Variants in IL4R observed in about 807,000 individuals in gnomAD.
The protein encoded by IL4R is interleukin-4 receptor subunit alpha.
IL4R carries 17 observed loss-of-function variants against 41.5 expected under a neutral mutation model. The ratio of observed to expected loss-of-function variants is 0.41; its 90% CI spans 0.28 to 0.61. The LOEUF (loss-of-function observed/expected upper bound fraction) is 0.61, where lower values mean the gene tolerates loss of function less well. Ranked by LOEUF, IL4R falls within the 20% of genes least tolerant of loss-of-function variation. The pLI, the probability that IL4R is intolerant of heterozygous loss-of-function variation, is 0.31. For synonymous variants in IL4R, 402 were observed against 422.9 expected, an observed-to-expected ratio of 0.95 and a Z score of 0.61; for missense variants, 974 against 1,043.1, an observed-to-expected ratio of 0.93 and a Z score of 0.91.
intron 9 of IL4R, chr16:27,359,760 A>G (rs2086215647): frequency 4.4e-6 from 2 of 455,620 alleles, no homozygotes; most frequent in Non-Finnish European, 4.4e-6. Flanking sequence ...GAGACAATAC[A>G]TATAAAGTGC....
intron 4 of IL4R, among the ~76,000 whole-genome samples, chr16:27,343,210 C>A (rs3024548): frequency 6.6e-6 from 1 of 151,978 alleles, no homozygotes; most frequent in Middle Eastern, 3.2e-3. Context: ...CAGCATGCAG[C>A]GTTCACCAGT....
At chr16:27,344,627 C>T (rs545750560) in intron 4 of IL4R, among the ~76,000 whole-genome samples, 1 of 152,218 alleles carries the variant, frequency 6.6e-6, no homozygotes, top group Non-Finnish European at 1.5e-5. Context: ...GGGCCGGCAG[C>T]TAGGCAGGTG....
intron 1 of IL4R, among the ~76,000 whole-genome samples, chr16:27,326,535 G>A (rs989977997): frequency 6.6e-6 from 1 of 152,162 alleles, no homozygotes; most frequent in African/African-American, 2.4e-5. Flanking sequence ...GCATGGTGGT[G>A]TGTGCCTGTA....
chr16:27,335,147 A>G (rs1362137556), intron 2 of IL4R, among the ~76,000 whole-genome samples: 1 of 152,116 alleles, frequency 6.6e-6, no homozygotes, highest in East Asian at 1.9e-4. Flanking sequence ...AGGAAAAGAC[A>G]TGCTGTGCTC....
At chr16:27,361,722 A>G (rs535566100) in intron 10 of IL4R, among the ~76,000 whole-genome samples, 3 of 148,910 alleles carry the variant, frequency 2.0e-5, no homozygotes, top group Non-Finnish European at 4.4e-5. Flanking sequence ...CTCTAGCCTC[A>G]GCCTTCTAAG....
intron 1 of IL4R, among the ~76,000 whole-genome samples, chr16:27,324,410 C>T (rs942502600): frequency 1.3e-5 from 2 of 152,164 alleles, no homozygotes; most frequent in African/African-American, 4.8e-5. Context: ...CAGGGGAATT[C>T]ATCCTGTCGT....
intron 1 of IL4R, among the ~76,000 whole-genome samples, chr16:27,316,394 TGAG>T (rs1214803026): frequency 1.3e-5 from 2 of 152,050 alleles, no homozygotes; most frequent in Admixed American, 1.3e-4. Flanking sequence ...CATAAATACA[TGAG>T]AAGAGAGAAC....
intron 1 of IL4R, among the ~76,000 whole-genome samples, chr16:27,321,851 T>C (rs527469416): frequency 7.6e-4 from 116 of 152,272 alleles, no homozygotes; most frequent in Middle Eastern, 3.4e-3. Context: ...TTGAGACAGA[T>C]AGAATTTTTT....
rs769171842 is a variant in IL4R at position 27,355,833 on chromosome 16, C to T, written c.696C>T (p.His232=). The change falls in exon 8 of 11, where the codon CAC becomes CAT. Residue 232 remains histidine (H), a synonymous_variant. Coordinates refer to ENST00000395762, the MANE Select transcript of IL4R (RefSeq NM_000418.4). The stretch of plus-strand genomic sequence containing the variant: ...CCTACAGGGAGCCCTTCGAGCAGCA[C>T]CTCCTGCTGGGCGTCAGCGTTTCCT... The part of the protein sequence containing the change: ...HNSYREPFEQ[H]LLLGVSVSCI... 1 of 1,613,588 alleles carries T rather than the reference C, an allele frequency of 6.2e-7. No individual in the cohort carries two copies. Among genetic ancestry groups the T allele is most frequent in the South Asian group, 1.1e-5 (1 of 91,080 alleles).
chr16:27,337,742 G>A (rs1471521170), intron 2 of IL4R, among the ~76,000 whole-genome samples: 1 of 151,340 alleles, frequency 6.6e-6, no homozygotes, highest in Non-Finnish European at 1.5e-5. Flanking sequence ...ACTACCGCCC[G>A]GCTAATTTTT....
intron 1 of IL4R, among the ~76,000 whole-genome samples, chr16:27,329,832 G>A (rs1007177518): frequency 2.6e-5 from 4 of 152,046 alleles, no homozygotes; most frequent in African/African-American, 9.7e-5. Context: ...TAAACAGGGT[G>A]CTGTGATAAG....
Position 27,363,101 on chromosome 16 carries a change from G to C in IL4R, c.1749G>C (p.Glu583Asp), listed in dbSNP as rs766136530. The C allele has an allele frequency of 6.4e-5, 104 of 1,613,978 alleles. 1 individual carries two copies. The Middle Eastern group carries it at 6.6e-4, about 10-fold the overall frequency. The change falls in exon 11 of 11, where the codon GAG (glutamate) becomes GAC (aspartate). Residue 583 changes from glutamate (E) to aspartate (D), a missense_variant. Glu to Asp is a conservative substitution (Grantham distance 45). Coordinates refer to ENST00000395762, the MANE Select transcript of IL4R (RefSeq NM_000418.4). ...ATCAGGAGTTTGTACATGCGGTGGA[G>C]CAGGGTGGCACCCAGGCCAGTGCGG... The part of the protein sequence containing the change: ...SGYQEFVHAV[E>D]QGGTQASAVV...
intron 6 of IL4R, among the ~76,000 whole-genome samples, chr16:27,347,984 C>T (rs1282203954): frequency 6.6e-6 from 1 of 152,180 alleles, no homozygotes; most frequent in Non-Finnish European, 1.5e-5. Flanking sequence ...CGCTGTCCCA[C>T]ACACTGGTCT....
chr16:27,352,837 CG>C, intron 7 of IL4R, 141 bp downstream of exon 7: 2 of 793,452 alleles, frequency 2.5e-6, no homozygotes, highest in Non-Finnish European at 4.1e-6. Flanking sequence ...ATACACCTGC[CG>C]TGGTGTATCT....
chr16:27,362,167 TG>T, intron 10 of IL4R, 84 bp from the exon 11 acceptor site: 1 of 1,307,730 alleles, frequency 7.6e-7, no homozygotes, highest in Non-Finnish European at 1.1e-6. Context: ...CATCAGGACA[TG>T]GTGATTTCAG....
At chr16:27,343,365 T>C (rs982395469) in intron 4 of IL4R, among the ~76,000 whole-genome samples, 4 of 152,252 alleles carry the variant, frequency 2.6e-5, no homozygotes, top group African/African-American at 4.8e-5. Context: ...TGGAACACAC[T>C]GGCTGCTGTA....
Position 27,322,466 on chromosome 16 carries a change from C to T in IL4R, c.-151-7600C>T, listed in dbSNP as rs572002182. 4.6e-5 allele frequency among the ~76,000 whole-genome samples: 7 copies of T among 152,216 alleles called. No homozygotes were observed. The South Asian group carries it at 6.2e-4, about 14-fold the overall frequency. On this transcript the variant is annotated intron_variant, in intron 1 of 10. Coordinates refer to ENST00000395762, the MANE Select transcript of IL4R (RefSeq NM_000418.4). Reference sequence around the variant, plus strand: ...TGCTGGGATTACAGGCATGAGCCACCGCAGCTGGCTGAATTGTTCCTTTAA... The same window carrying T: ...TGCTGGGATTACAGGCATGAGCCACTGCAGCTGGCTGAATTGTTCCTTTAA...
chr16:27,314,436 A>C (rs2084569830), intron 1 of IL4R, among the ~76,000 whole-genome samples: 1 of 152,186 alleles, frequency 6.6e-6, no homozygotes, highest in African/African-American at 2.4e-5. Context: ...AGAACTGTAA[A>C]TTTGAGTAGT....
rs1441927087 is a variant in IL4R, at chr16:27,358,898, T to G, written c.771-18T>G. On this transcript the variant is annotated intron_variant, in intron 8 of 10. Coordinates refer to ENST00000395762, the MANE Select transcript of IL4R (RefSeq NM_000418.4). Reference sequence around the variant, plus strand: ...GTCAATAATTCAGAGATCAACACCTTTTCCTTTTGTTTTTCAGGATTAAGA... The same window carrying G: ...GTCAATAATTCAGAGATCAACACCTGTTCCTTTTGTTTTTCAGGATTAAGA... 32 of 1,605,088 alleles carry G rather than the reference T, an allele frequency of 2.0e-5. No homozygotes were observed. In the Admixed American group the frequency reaches 5.0e-4, roughly 25 times the overall value.
Sources: gnomAD v4.1 joint callset for allele counts (sites outside exome capture counted in the v4.1 genomes callset) on GRCh38, gnomAD v4.1.1 for gene constraint, MANE v1.5 for transcripts, NCBI Gene and HGNC (gene_info 2026-07-23, HGNC 2026-07-21) for gene names.